The following CDH18 variants were observed in gnomAD, a reference collection of about 807,000 sequenced individuals.
The protein encoded by CDH18 is cadherin-18.
A neutral mutation model predicts 67.9 loss-of-function variants in CDH18; 31 were observed. The observed-to-expected ratio is 0.46, with a 90% confidence interval of 0.34 to 0.62. The LOEUF (loss-of-function observed/expected upper bound fraction) is 0.62. Among genes scored for constraint, CDH18 ranks in the 20% least tolerant of loss-of-function variants. CDH18 has a pLI of 0.01. For missense variants in CDH18, 890 were observed against 975.5 expected (o/e 0.91, Z 1.17); for synonymous variants, 362 against 347.2 (o/e 1.04, Z -0.48).
intron 1 of CDH18, among the ~76,000 whole-genome samples, chr5:20,462,160 G>A (rs999732856): frequency 6.6e-6 from 1 of 152,164 alleles, no homozygotes; most frequent in African/African-American, 2.4e-5. Flanking sequence ...AATGTGGCAA[G>A]TATACATAAT....
intron 1 of CDH18, among the ~76,000 whole-genome samples, chr5:20,474,120 C>T (rs1398044893): frequency 6.6e-6 from 1 of 151,950 alleles, no homozygotes; most frequent in Non-Finnish European, 1.5e-5. Flanking sequence ...GGTGTTAGAT[C>T]AGAAACTAAC....
At chr5:20,426,775 T>A (rs918254071) in intron 1 of CDH18, among the ~76,000 whole-genome samples, 1 of 151,084 alleles carries the variant, frequency 6.6e-6, no homozygotes, top group Non-Finnish European at 1.5e-5. Flanking sequence ...CTAAATTAAA[T>A]AACAATATAA....
chr5:20,207,219 T>A (rs13435935), intron 2 of CDH18, among the ~76,000 whole-genome samples: 1 of 150,076 alleles, frequency 6.7e-6, no homozygotes, highest in East Asian at 2.0e-4. Flanking sequence ...GTGAAAAAAA[T>A]TAAAAAAGTA....
intron 2 of CDH18, among the ~76,000 whole-genome samples, chr5:19,921,404 A>G (rs1017295114): frequency 6.6e-5 from 10 of 151,704 alleles, no homozygotes; most frequent in Non-Finnish European, 1.5e-4. Context: ...GGTGGCGGGC[A>G]CCTGTAGTCC....
chr5:19,535,186 G>C (rs1286437178), intron 9 of CDH18, among the ~76,000 whole-genome samples: 1 of 152,164 alleles, frequency 6.6e-6, no homozygotes, highest in Non-Finnish European at 1.5e-5. Context: ...ACATTATGAA[G>C]TAATCTGTTA....
intron 2 of CDH18, among the ~76,000 whole-genome samples, chr5:20,238,338 G>T (rs192498913): frequency 6.6e-6 from 1 of 151,974 alleles, no homozygotes; most frequent in Non-Finnish European, 1.5e-5. Context: ...ATTTTTCTTA[G>T]AAAGAACTTG....
intron 1 of CDH18, among the ~76,000 whole-genome samples, chr5:20,451,302 T>G (rs1750433191): frequency 6.6e-6 from 1 of 152,188 alleles, no homozygotes; most frequent in Admixed American, 6.5e-5. Flanking sequence ...GTGAGGTCTT[T>G]TCAGATGTTG....
chr5:20,237,439 T>G (rs997100960), intron 2 of CDH18, among the ~76,000 whole-genome samples: 1 of 151,888 alleles, frequency 6.6e-6, no homozygotes, highest in African/African-American at 2.4e-5. Context: ...TGATTGAAAC[T>G]ATAAAAAAGT....
intron 9 of CDH18, among the ~76,000 whole-genome samples, chr5:19,533,704 CAG>C (rs1014747681): frequency 7.2e-5 from 11 of 151,946 alleles, no homozygotes; most frequent in African/African-American, 2.7e-4. Context: ...AAGGAGTGGC[CAG>C]AGACTTGGCA....
At chr5:20,103,014 C>G (rs1256657621) in intron 2 of CDH18, among the ~76,000 whole-genome samples, 1 of 152,126 alleles carries the variant, frequency 6.6e-6, no homozygotes, top group Non-Finnish European at 1.5e-5. Flanking sequence ...TTCAATGAGA[C>G]TCTTAGAAAT....
At chr5:20,452,533 A>G (rs1477634492) in intron 1 of CDH18, among the ~76,000 whole-genome samples, 3 of 152,116 alleles carry the variant, frequency 2.0e-5, no homozygotes, top group Non-Finnish European at 4.4e-5. Context: ...GCACGTCCTG[A>G]TTTATAAGTA....
At chr5:20,136,337 C>T (rs1053373874) in intron 2 of CDH18, among the ~76,000 whole-genome samples, 1 of 152,162 alleles carries the variant, frequency 6.6e-6, no homozygotes, top group African/African-American at 2.4e-5. Context: ...ATCCCTTTAC[C>T]ATTATGTAAT....
intron 5 of CDH18, among the ~76,000 whole-genome samples, chr5:19,652,583 A>G (rs1755740954): frequency 6.6e-6 from 1 of 152,160 alleles, no homozygotes; most frequent in Admixed American, 6.6e-5. Flanking sequence ...AGGTAAGAAG[A>G]CTAATCACAA....
At chr5:20,560,882 A>G (rs1294153881) in intron 1 of CDH18, among the ~76,000 whole-genome samples, 1 of 152,158 alleles carries the variant, frequency 6.6e-6, no homozygotes, top group Admixed American at 6.6e-5. Flanking sequence ...AAAAAGGTCT[A>G]TTATCCAACA....
intron 4 of CDH18, among the ~76,000 whole-genome samples, chr5:19,735,515 C>T (rs1370433087): frequency 6.6e-6 from 1 of 151,972 alleles, no homozygotes; most frequent in Non-Finnish European, 1.5e-5. Flanking sequence ...CCTGCCTCAG[C>T]CTCCCAAGTA....
chr5:20,452,521 C>T (rs1581026119), intron 1 of CDH18, among the ~76,000 whole-genome samples: 1 of 152,010 alleles, frequency 6.6e-6, no homozygotes, highest in South Asian at 2.1e-4. Context: ...AAACTAAATA[C>T]TGCACGTCCT....
Position 19,571,628 on chromosome 5 carries a change from C to T in CDH18, c.1204G>A (p.Val402Ile), listed in dbSNP as rs541521243. The change falls in exon 8 of 13, where the codon GTT becomes ATT. Residue 402 changes from valine to isoleucine, a missense_variant. By Grantham distance (29) the Val-to-Ile change is conservative. Coordinates refer to ENST00000382275, the MANE Select transcript of CDH18 (RefSeq NM_004934.5). The stretch of plus-strand genomic sequence containing the variant: ...GGATCTTGTGCCAAAACTGTACCAA[C>T]GACGGTCCCAATCTTGGCATTTTCG... ...VYENAKIGTV[V>I]GTVLAQDPDS... 1.5e-5 allele frequency: 24 copies of T among 1,613,890 alleles called. No homozygotes were observed. The highest frequency in any genetic ancestry group is 1.7e-5 in the Admixed American group (1 of 60,016).
intron 3 of CDH18, among the ~76,000 whole-genome samples, chr5:19,821,406 C>T (rs78160907): frequency 1.1e-5 from 1 of 93,372 alleles, no homozygotes; most frequent in African/African-American, 3.9e-5. Context: ...AAACAAAAAA[C>T]AAAAAAAAAA....
intron 1 of CDH18, among the ~76,000 whole-genome samples, chr5:20,453,547 ATATG>A (rs1750623053): frequency 6.9e-6 from 1 of 145,092 alleles, no homozygotes; most frequent in African/African-American, 2.5e-5. Flanking sequence ...ATATGTGTGT[ATATG>A]TATGTGTGTG....
Sources: allele counts gnomAD v4.1 joint callset (sites outside exome capture counted in the v4.1 genomes callset), GRCh38; gene constraint gnomAD v4.1.1; transcripts MANE v1.5; gene names NCBI Gene and HGNC (gene_info 2026-07-23, HGNC 2026-07-21).